Variants in RGPD1 observed in about 807,000 individuals in gnomAD.
RGPD1 encodes the protein RANBP2-like and GRIP domain-containing protein 1.
Under a neutral mutation model 40.6 loss-of-function variants are expected in RGPD1, and 7 were observed. That is an observed-to-expected ratio of 0.17 (90% CI 0.10 to 0.32). RGPD1 has a LOEUF of 0.32. RGPD1 is among the 10% of genes least tolerant of loss of function. The pLI is 1.00. For missense variants in RGPD1, 50 were observed against 472.5 expected (o/e 0.11, Z 8.29); for synonymous variants, 24 against 167.0 (o/e 0.14, Z 6.60).
At chr2:86,943,006 C>T (rs1261290333) in intron 1 of RGPD1, among the ~76,000 whole-genome samples, 2 of 151,704 alleles carry the variant, frequency 1.3e-5, no homozygotes, top group Non-Finnish European at 2.9e-5. Context: ...GGTGCTGTAT[C>T]GGCGGGTTTC....
At chr2:86,928,888 C>A in intron 1 of RGPD1, among the ~76,000 whole-genome samples, 1 of 151,128 alleles carries the variant, frequency 6.6e-6, no homozygotes, top group African/African-American at 2.4e-5. Flanking sequence ...TTTTTGGAAA[C>A]CAAGGGAGGA....
chr2:86,942,286 G>C lies in RGPD1; in HGVS notation c.50G>C (p.Gly17Ala), dbSNP rs1679851319. 2 of 1,603,498 alleles carry C rather than the reference G, an allele frequency of 1.2e-6. No homozygotes were observed. The highest frequency in any genetic ancestry group is 1.3e-5 in the African/African-American group (1 of 74,436). ...YGERYVASVQ[G>A]SAPSPGKKLR... The stretch of plus-strand genomic sequence containing the variant: ...GAGCGGTACGTCGCCTCGGTGCAGG[G>C]CTCCGCCCCGTCGCCTGGAAAGGTG... The change falls in exon 1 of 23, where the codon GGC becomes GCC. Residue 17 changes from glycine (G) to alanine (A), a missense_variant. Coordinates refer to ENST00000641458, the MANE Select transcript of RGPD1 (RefSeq NM_001382344.1).
upstream of RGPD1, chr2:86,913,712 G>C: frequency 7.4e-7 from 1 of 1,345,754 alleles, no homozygotes; most frequent in South Asian, 1.3e-5. Flanking sequence ...ACACAGTGCT[G>C]ACGCAGTACA....
intron 17 of RGPD1, among the ~76,000 whole-genome samples, 157 bp downstream of exon 17, chr2:86,978,088 G>A (rs578179790): frequency 3.9e-5 from 5 of 127,190 alleles, no homozygotes; most frequent in African/African-American, 1.7e-4. Flanking sequence ...TTTTTTTAAG[G>A]CAGGGTCTTG....
chr2:86,941,647 C>G (rs2104755228), upstream of RGPD1, among the ~76,000 whole-genome samples: 1 of 151,594 alleles, frequency 6.6e-6, no homozygotes, highest in Middle Eastern at 3.4e-3. Flanking sequence ...GAGGGGCCTG[C>G]ATATAGAGAG....
At chr2:86,931,299 T>C (rs1678944095) in intron 1 of RGPD1, among the ~76,000 whole-genome samples, 1 of 151,840 alleles carries the variant, frequency 6.6e-6, no homozygotes, top group African/African-American at 2.4e-5. Flanking sequence ...CTGGTAGATA[T>C]ATTTCTTTTC....
intron 1 of RGPD1, among the ~76,000 whole-genome samples, chr2:86,914,911 A>C (rs878875408): frequency 0.9 from 22,336 of 24,720 alleles, 10,366 homozygotes; most frequent in East Asian, 0.92. Flanking sequence ...GCGGCGGCGG[A>C]GGCGGCGGCC....
chr2:86,936,010 A>G (rs575274838), intron 1 of RGPD1, among the ~76,000 whole-genome samples: 8 of 110,308 alleles, frequency 7.3e-5, no homozygotes, highest in African/African-American at 2.5e-4. Flanking sequence ...TGGAAAAAAA[A>G]TTTTTTTTTT....
chr2:86,923,257 T>TCC (rs1053274797), intron 1 of RGPD1, among the ~76,000 whole-genome samples: 2 of 151,438 alleles, frequency 1.3e-5, no homozygotes, highest in Admixed American at 1.3e-4. Flanking sequence ...CAGGCTGGTC[T>TCC]CCAACTCATG....
At chr2:87,002,675 GTTCTCTTTA>G (rs1173071256) in intron 22 of RGPD1, 4 of 38,882 alleles carry the variant, frequency 1.0e-4, no homozygotes, top group Non-Finnish European at 1.9e-4. Flanking sequence ...CAGTCATCTG[GTTCTCTTTA>G]TTCCTGGGAA....
chr2:86,920,003 A>G (rs1160436232), intron 1 of RGPD1, among the ~76,000 whole-genome samples: 3 of 151,930 alleles, frequency 2.0e-5, no homozygotes, highest in South Asian at 2.1e-4. Context: ...ATTTCAGCAC[A>G]TGAAGGAATT....
chr2:86,943,854 T>C (rs544688689), intron 1 of RGPD1, among the ~76,000 whole-genome samples: 62 of 151,710 alleles, frequency 4.1e-4, no homozygotes, highest in African/African-American at 1.5e-3. Flanking sequence ...CTACTAAAAA[T>C]AGAAAAAAAG....
At chr2:86,932,090 C>CT (rs1478826902) in intron 1 of RGPD1, among the ~76,000 whole-genome samples, 1 of 141,634 alleles carries the variant, frequency 7.1e-6, no homozygotes, top group Non-Finnish European at 1.5e-5. Flanking sequence ...TCTAAGATGA[C>CT]TAAGCAGCTG....
intron 1 of RGPD1, among the ~76,000 whole-genome samples, chr2:86,942,995 G>T (rs551771093): frequency 6.6e-6 from 1 of 151,856 alleles, no homozygotes; most frequent in Non-Finnish European, 1.5e-5. Context: ...TTGGGCACCC[G>T]GGTGCTGTAT....
chr2:86,914,123 G>GC (rs1334738905), intron 1 of RGPD1, among the ~76,000 whole-genome samples: 1 of 89,314 alleles, frequency 1.1e-5, no homozygotes, highest in African/African-American at 5.8e-5. Context: ...CTCGGCCCCG[G>GC]CCTGGCCGGG....
intron 22 of RGPD1, among the ~76,000 whole-genome samples, chr2:86,998,606 AAT>A (rs1411154404): frequency 1.6e-5 from 1 of 63,332 alleles, no homozygotes; most frequent in Non-Finnish European, 3.0e-5. Context: ...AGATGGATTT[AAT>A]ACTGTGATGT....
chr2:86,951,883 T>TTG (rs903444594), intron 2 of RGPD1, among the ~76,000 whole-genome samples: 5 of 99,948 alleles, frequency 5.0e-5, no homozygotes, highest in African/African-American at 2.4e-4. Context: ...GTTTTTTTTT[T>TTG]TTTTTTTTTT....
intron 1 of RGPD1, among the ~76,000 whole-genome samples, chr2:86,944,812 A>G (rs2104776765): frequency 6.6e-6 from 1 of 152,138 alleles, no homozygotes; most frequent in Admixed American, 6.5e-5. Flanking sequence ...GGCTCAATCC[A>G]TCCTCCCACC....
Position 86,942,512 on chromosome 2 carries a change from G to A in RGPD1, c.72+204G>A, listed in dbSNP as rs1220481271. On this transcript the variant is annotated intron_variant, in intron 1 of 22. Transcript: ENST00000641458. Reference sequence around the variant, plus strand: ...GGCGGCGGCGGCCTCGACCTGGCCGGGCGGCGGCGGCGGCCTCGACCTGGC... The same window carrying A: ...GGCGGCGGCGGCCTCGACCTGGCCGAGCGGCGGCGGCGGCCTCGACCTGGC... Among the ~76,000 whole-genome samples the A allele has an allele frequency of 2.0e-4, 22 of 111,706 alleles. 2 individuals carry two copies. The highest frequency in any genetic ancestry group is 3.6e-4 in the Non-Finnish European group (19 of 53,458). The allele number at this position is 111,706 out of a possible 152,430, so 73.3% of individuals were successfully genotyped here. A position where few individuals can be genotyped will look rare whatever the true frequency, so the allele number is the denominator to read the frequency against.
Sources: gnomAD v4.1 joint callset for allele counts (sites outside exome capture counted in the v4.1 genomes callset) on GRCh38, gnomAD v4.1.1 for gene constraint, MANE v1.5 for transcripts, NCBI Gene and HGNC (gene_info 2026-07-23, HGNC 2026-07-21) for gene names.